Variants in KCNIP3 observed in about 807,000 individuals in gnomAD.
KCNIP3 encodes potassium voltage-gated channel interacting protein 3.
KCNIP3 carries 28 observed loss-of-function variants against 35.0 expected under a neutral mutation model. The ratio of observed to expected loss-of-function variants is 0.80; its 90% CI spans 0.59 to 1.10. The LOEUF is 1.10. KCNIP3 is among the 50% of genes least tolerant of loss of function. The pLI is 0.00. For missense variants in KCNIP3, 295 were observed against 338.4 expected (o/e 0.87, Z 1.01); for synonymous variants, 134 against 133.8 (o/e 1.00, Z -0.01).
chr2:95,324,985 C>T (rs922101644), intron 2 of KCNIP3, among the ~76,000 whole-genome samples: 1 of 152,190 alleles, frequency 6.6e-6, no homozygotes, highest in African/African-American at 2.4e-5. Context: ...CCCAGGACCA[C>T]GGTGACAAAC....
intron 1 of KCNIP3, 109 bp from the exon 2 acceptor site, chr2:95,310,246 C>T: frequency 7.7e-7 from 1 of 1,301,684 alleles, no homozygotes; most frequent in Non-Finnish European, 1.1e-6. Context: ...GGTGAGCCCT[C>T]TGTTGTGTTC....
intron 2 of KCNIP3, among the ~76,000 whole-genome samples, chr2:95,349,865 C>G (rs912285973): frequency 6.6e-6 from 1 of 152,204 alleles, no homozygotes; most frequent in African/African-American, 2.4e-5. Context: ...GGGACGGCCC[C>G]GAGGGCCATC....
intron 1 of KCNIP3, among the ~76,000 whole-genome samples, chr2:95,300,578 GGGGGAGGGCACA>G (rs1677999759): frequency 4.1e-5 from 1 of 24,282 alleles, no homozygotes; most frequent in African/African-American, 1.3e-4. Flanking sequence ...CCTGAGAGTC[GGGGGAGGGCACA>G]GCATGGGGCG....
chr2:95,299,908 G>T (rs114520131), intron 1 of KCNIP3, among the ~76,000 whole-genome samples: 1 of 152,194 alleles, frequency 6.6e-6, no homozygotes, highest in African/African-American at 2.4e-5. Flanking sequence ...ATTGTCTCCC[G>T]CATTATCTCC....
In KCNIP3 at chr2:95,373,378, C is replaced by A. The variant is rs181990246; in HGVS notation, c.182-918C>A. Among the ~76,000 whole-genome samples, 7 of 151,732 alleles carry A rather than the reference C, an allele frequency of 4.6e-5. 1 individual carries two copies. The highest frequency in any genetic ancestry group is 1.7e-4 in the African/African-American group (7 of 41,362). On this transcript the variant is annotated intron_variant, in intron 2 of 8. Transcript: ENST00000295225. ...AAAATCACCTGAAATTGCACCTCCC[C>A]CTCAAATGTAGCCATGGTTAGTTAA...
intron 2 of KCNIP3, 24 bp from the exon 3 acceptor site, chr2:95,374,272 T>C: frequency 6.2e-7 from 1 of 1,611,988 alleles, no homozygotes; most frequent in Non-Finnish European, 8.5e-7. Context: ...GGCCTTACAC[T>C]CTCTGGTCTG....
chr2:95,331,790 G>A (rs1245452462), intron 2 of KCNIP3, among the ~76,000 whole-genome samples: 1 of 152,212 alleles, frequency 6.6e-6, no homozygotes, highest in African/African-American at 2.4e-5. Context: ...GCCAGGGCAG[G>A]TGCCCGACCC....
chr2:95,304,942 C>A (rs1678133172), intron 1 of KCNIP3, among the ~76,000 whole-genome samples: 1 of 152,196 alleles, frequency 6.6e-6, no homozygotes, highest in South Asian at 2.1e-4. Flanking sequence ...CACCAGCAGC[C>A]TCTATCCTTC....
At position 95,378,779 on chromosome 2, in the gene KCNIP3, TAC is replaced by T. The variant is rs1187969010; in HGVS notation, c.448-2801_448-2800del. 1.5e-4 allele frequency among the ~76,000 whole-genome samples: 22 copies of T among 148,398 alleles called. No individual in the cohort carries two copies. Among genetic ancestry groups the T allele is most frequent in the African/African-American group, 2.5e-4 (10 of 40,224 alleles). On this transcript the variant is annotated intron_variant, in intron 5 of 8. Coordinates refer to ENST00000295225, the MANE Select transcript of KCNIP3 (RefSeq NM_013434.5). The surrounding 1 kb of genome is among the most constrained non-coding windows in gnomAD (Gnocchi z 4.0). ...AACAAAAACAAAATATATATATATA[TAC>T]ACACACACACACACATATATATATA... is the stretch of plus-strand genomic sequence containing the variant.
Position 95,310,302 on chromosome 2 carries a change from G to C in KCNIP3, c.16-53G>C, listed in dbSNP as rs1048465373. On this transcript the variant is annotated intron_variant, in intron 1 of 8. Coordinates refer to ENST00000295225, the MANE Select transcript of KCNIP3 (RefSeq NM_013434.5). ...ATCAGGGCAGCTCGGGACCATCCAG[G>C]GGTCCCCCCTCTGAGCAGGGGCTCA... is the stretch of plus-strand genomic sequence containing the variant. 9 of 1,608,156 alleles carry C rather than the reference G, an allele frequency of 5.6e-6. No individual in the cohort carries two copies. In the African/African-American group the frequency reaches 8.0e-5, roughly 14 times the overall value.
intron 2 of KCNIP3, among the ~76,000 whole-genome samples, chr2:95,362,888 T>C (rs2104287531): frequency 6.6e-6 from 1 of 152,320 alleles, no homozygotes; most frequent in East Asian, 1.9e-4. Flanking sequence ...TATTTTTTCA[T>C]TATTATTATC....
chr2:95,336,817 C>A (rs562923709), intron 2 of KCNIP3, among the ~76,000 whole-genome samples: 32 of 152,270 alleles, frequency 2.1e-4, no homozygotes, highest in Non-Finnish European at 3.4e-4. Context: ...GATCTTAATC[C>A]TAACAAATGG....
chr2:95,374,978 T>C, intron 4 of KCNIP3, 61 bp downstream of exon 4: 1 of 1,557,102 alleles, frequency 6.4e-7, no homozygotes. Flanking sequence ...ACCCTCCTGC[T>C]GCCCCTTGCA....
At chr2:95,369,061 GA>G (rs1269778090) in intron 2 of KCNIP3, among the ~76,000 whole-genome samples, 1 of 152,160 alleles carries the variant, frequency 6.6e-6, no homozygotes, top group Non-Finnish European at 1.5e-5. Flanking sequence ...TCTTGGGGGG[GA>G]AACATTCTGT....
intron 2 of KCNIP3, among the ~76,000 whole-genome samples, chr2:95,318,808 T>C (rs890642634): frequency 6.6e-6 from 1 of 151,786 alleles, no homozygotes; most frequent in Non-Finnish European, 1.5e-5. Flanking sequence ...CGGAGGAGAG[T>C]AGGCTAAAGA....
chr2:95,318,659 G>A (rs1161025284), intron 2 of KCNIP3, among the ~76,000 whole-genome samples: 16 of 152,180 alleles, frequency 1.1e-4, no homozygotes, highest in Admixed American at 8.5e-4. Context: ...TCGGCCACGG[G>A]GCTACGAAGC....
rs180773225 is a variant in KCNIP3 at position 95,375,403 on chromosome 2, C to G, written c.447+195C>G. 3.7e-3 allele frequency among the ~76,000 whole-genome samples: 569 copies of G among 152,050 alleles called. 5 individuals carry two copies. The highest frequency in any genetic ancestry group is 0.013 in the African/African-American group (541 of 41,472). ...TCTGGGGTGTTTGACTTTGCTGGGC[C>G]GGCACCACGTTCTCAGCCTTTTCTT... On this transcript the variant is annotated intron_variant, in intron 5 of 8. Transcript: ENST00000295225.
In KCNIP3 at chr2:95,378,672, A is replaced by G. The variant is rs565361679; in HGVS notation, c.448-2924A>G. On this transcript the variant is annotated intron_variant, in intron 5 of 8. Transcript: ENST00000295225. The surrounding 1 kb of genome is among the most constrained non-coding windows in gnomAD (Gnocchi z 4.0). ...GAGGCAAGTGAATCACTTTGAGCCC[A>G]GGAGTCAGAGGTTGCAGTGAGCTGA... 2.6e-5 allele frequency among the ~76,000 whole-genome samples: 4 copies of G among 151,758 alleles called. No homozygotes were observed. Among genetic ancestry groups the G allele is most frequent in the Non-Finnish European group, 1.5e-5 (1 of 67,942 alleles).
intron 2 of KCNIP3, among the ~76,000 whole-genome samples, chr2:95,324,749 A>G (rs940626457): frequency 6.6e-5 from 10 of 151,796 alleles, no homozygotes; most frequent in Non-Finnish European, 1.5e-4. Context: ...CGTCTCTACT[A>G]AAAACACAAA....
Sources: gnomAD v4.1 joint callset for allele counts (sites outside exome capture counted in the v4.1 genomes callset) on GRCh38, gnomAD v4.1.1 for gene constraint, Gnocchi (gnomAD v3.1) non-coding constraint, MANE v1.5 for transcripts, NCBI Gene and HGNC (gene_info 2026-07-23, HGNC 2026-07-21) for gene names.